The following CREBRF variants were observed in gnomAD, a reference collection of about 807,000 sequenced individuals.
CREBRF encodes UPF0474 protein C5orf41.
CREBRF carries 5 observed loss-of-function variants against 66.1 expected under a neutral mutation model. The ratio of observed to expected loss-of-function variants is 0.08; its 90% CI spans 0.04 to 0.16. The LOEUF (loss-of-function observed/expected upper bound fraction) is 0.16, where lower values mean the gene tolerates loss of function less well. CREBRF is among the 10% of genes least tolerant of loss of function. The probability of loss-of-function intolerance (pLI) is 1.00; values close to 1 mark genes in which losing one functional copy is unlikely to be tolerated. For synonymous variants in CREBRF, 229 were observed against 264.4 expected (o/e 0.87, Z 1.30); for missense variants, 531 against 744.9 (o/e 0.71, Z 3.34).
intron 2 of CREBRF, among the ~76,000 whole-genome samples, chr5:173,082,014 T>TTTTTTTTGTTTTTTTTG (rs1757965897): frequency 1.8e-5 from 2 of 113,784 alleles, no homozygotes; most frequent in Non-Finnish European, 3.9e-5. Flanking sequence ...TTTTTTTTTT[T>TTTTTTTTGTTTTTTTTG]TTTTTTTTTT....
At chr5:173,125,839 G>A (rs1437866978) in intron 8 of CREBRF, among the ~76,000 whole-genome samples, 1 of 152,174 alleles carries the variant, frequency 6.6e-6, no homozygotes, top group East Asian at 1.9e-4. Flanking sequence ...GCTCCCGCCT[G>A]GGCGACAGAG....
At chr5:173,104,740 A>AGAGAGAGAGT (rs375098647) in intron 4 of CREBRF, among the ~76,000 whole-genome samples, 20 of 146,242 alleles carry the variant, frequency 1.4e-4, no homozygotes, top group African/African-American at 3.8e-4. Context: ...AGAGAGAGAG[A>AGAGAGAGAGT]GTGTGTGTGT....
At chr5:173,112,242 A>G in intron 6 of CREBRF, 64 bp from the exon 7 acceptor site, 1 of 1,220,984 alleles carries the variant, frequency 8.2e-7, no homozygotes. Context: ...CTTCTCCGTA[A>G]TTAAAAATAA....
rs1759605115 is a variant in CREBRF, at chr5:173,137,168, A to C, written c.*3423A>C. On this transcript the variant is annotated 3_prime_UTR_variant, in exon 9 of 9. Transcript: ENST00000296953. ...ATTCTTGTCCTTTCCTATATCCTTC[A>C]TGACAGATTATGATGTGGCTTTATA... 1 of 151,976 alleles carries C rather than the reference A, an allele frequency of 6.6e-6. No individual in the cohort carries two copies. The highest frequency in any genetic ancestry group is 2.4e-5 in the African/African-American group (1 of 41,392). 9.4% of individuals were successfully genotyped at this position (151,976 alleles called of 1,614,324 possible).
intron 7 of CREBRF, 80 bp downstream of exon 7, chr5:173,112,459 G>T: frequency 2.9e-6 from 3 of 1,029,128 alleles, no homozygotes; most frequent in Non-Finnish European, 4.4e-6. Context: ...TTTGTGATTT[G>T]CTTTCGCTGT....
rs115992671 is a variant in CREBRF at position 173,096,942 on chromosome 5, A to C, written c.1222+5541A>C. On this transcript the variant is annotated intron_variant, in intron 4 of 8. Coordinates refer to ENST00000296953, the MANE Select transcript of CREBRF (RefSeq NM_153607.3). ...ATATATTGAATCATCCTTGCATCTCAAAGATAAATCCCACTTCATCATGAT... is the reference window on the plus strand; with the variant it reads ...ATATATTGAATCATCCTTGCATCTCCAAGATAAATCCCACTTCATCATGAT... Among the ~76,000 whole-genome samples the C allele has an allele frequency of 9.9e-3, 1,510 of 152,264 alleles. 22 individuals are homozygous for C. The highest frequency in any genetic ancestry group is 0.034 in the African/African-American group (1,418 of 41,538).
intron 4 of CREBRF, among the ~76,000 whole-genome samples, chr5:173,104,027 A>T (rs1459675830): frequency 6.6e-6 from 1 of 152,218 alleles, no homozygotes; most frequent in Admixed American, 6.5e-5. Context: ...GTTTTAAAAA[A>T]TTTTGAGTGC....
intron 6 of CREBRF, among the ~76,000 whole-genome samples, chr5:173,110,923 T>C (rs1219700720): frequency 6.6e-6 from 1 of 152,236 alleles, no homozygotes; most frequent in Non-Finnish European, 1.5e-5. Context: ...TGGACTCTGG[T>C]GCATTATGTT....
At chr5:173,122,710 T>A (rs1759168012) in intron 7 of CREBRF, among the ~76,000 whole-genome samples, 1 of 145,292 alleles carries the variant, frequency 6.9e-6, no homozygotes, top group South Asian at 2.3e-4. Context: ...AACTCGTCAT[T>A]TAGCATTAGG....
chr5:173,077,426 C>G (rs908191416), intron 1 of CREBRF, among the ~76,000 whole-genome samples: 1 of 152,028 alleles, frequency 6.6e-6, no homozygotes, highest in Non-Finnish European at 1.5e-5. Flanking sequence ...CCGAGTTTCA[C>G]TCTGTTGCCC....
Position 173,135,239 on chromosome 5 carries a change from C to G in CREBRF, c.*1494C>G, listed in dbSNP as rs1238672238. On this transcript the variant is annotated 3_prime_UTR_variant, in exon 9 of 9. Coordinates refer to ENST00000296953, the MANE Select transcript of CREBRF (RefSeq NM_153607.3). ...ATATTTTTGTACAGGTATTTTCAAA[C>G]TAGCTTCTTCAAACTTAACATGTGA... is the stretch of plus-strand genomic sequence containing the variant. The G allele has an allele frequency of 6.6e-6, 1 of 152,414 alleles. No individual in the cohort carries two copies. Among genetic ancestry groups the G allele is most frequent in the East Asian group, 1.9e-4 (1 of 5,198 alleles). The allele number at this position is 152,414 out of a possible 1,614,324, so 9.4% of individuals were successfully genotyped here.
intron 3 of CREBRF, among the ~76,000 whole-genome samples, chr5:173,089,388 T>C (rs1347136622): frequency 1.3e-5 from 2 of 152,084 alleles, no homozygotes; most frequent in Non-Finnish European, 2.9e-5. Flanking sequence ...TTTTTTTGTA[T>C]ATACTTTTTA....
intron 4 of CREBRF, among the ~76,000 whole-genome samples, chr5:173,105,055 G>A (rs1295188957): frequency 2.0e-5 from 3 of 152,160 alleles, no homozygotes; most frequent in African/African-American, 7.2e-5. Context: ...GCCAAATCAT[G>A]TCAAGTCTCC....
chr5:173,128,201 T>C (rs570900145), intron 8 of CREBRF, among the ~76,000 whole-genome samples: 1 of 152,186 alleles, frequency 6.6e-6, no homozygotes, highest in Non-Finnish European at 1.5e-5. Context: ...TACTTTGAAA[T>C]TTTAGGTTTG....
intron 1 of CREBRF, among the ~76,000 whole-genome samples, chr5:173,062,605 TAAAA>T (rs566930184): frequency 2.0e-5 from 3 of 147,346 alleles, no homozygotes; most frequent in African/African-American, 7.4e-5. Flanking sequence ...TTGCAGGTAT[TAAAA>T]AAAAAAAGTT....
rs1442928087 is a variant in CREBRF at position 173,131,736 on chromosome 5, T to G, written c.1805-1894T>G. Among the ~76,000 whole-genome samples the G allele has an allele frequency of 3.3e-5, 5 of 151,898 alleles. No individual in the cohort carries two copies. In the East Asian group the frequency reaches 5.8e-4, roughly 18 times the overall value. On this transcript the variant is annotated intron_variant, in intron 8 of 8. Coordinates refer to ENST00000296953, the MANE Select transcript of CREBRF (RefSeq NM_153607.3). ...CACACACACACACACACACACTTTT[T>G]TTTGTTTGTTTTTGGAGACGGAGTC...
At chr5:173,095,490 A>G (rs1758456821) in intron 4 of CREBRF, among the ~76,000 whole-genome samples, 1 of 152,106 alleles carries the variant, frequency 6.6e-6, no homozygotes, top group Non-Finnish European at 1.5e-5. Flanking sequence ...TGCCTGGCCT[A>G]TAATTACTAA....
chr5:173,067,626 C>G (rs533757518), intron 1 of CREBRF, among the ~76,000 whole-genome samples: 1 of 152,276 alleles, frequency 6.6e-6, no homozygotes, highest in Non-Finnish European at 1.5e-5. Flanking sequence ...ACTAATGCAA[C>G]TGATTTGCAA....
At chr5:173,106,771 T>G (rs1343051306) in intron 4 of CREBRF, among the ~76,000 whole-genome samples, 6 of 152,032 alleles carry the variant, frequency 3.9e-5, no homozygotes. Flanking sequence ...TTTATTGAGA[T>G]GGAGTCTTGC....
Sources: gnomAD v4.1 joint callset for allele counts (sites outside exome capture counted in the v4.1 genomes callset) on GRCh38, gnomAD v4.1.1 for gene constraint, MANE v1.5 for transcripts, NCBI Gene and HGNC (gene_info 2026-07-23, HGNC 2026-07-21) for gene names.